Variants in SPTLC3 observed in about 807,000 individuals in gnomAD.
The protein encoded by SPTLC3 is serine palmitoyltransferase long chain base subunit 3.
In SPTLC3, 36 loss-of-function variants were observed where a neutral mutation model predicts 59.3. The ratio of observed to expected loss-of-function variants is 0.61; its 90% CI spans 0.47 to 0.80. The LOEUF (loss-of-function observed/expected upper bound fraction) is 0.80. Among genes scored for constraint, SPTLC3 ranks in the 30% least tolerant of loss-of-function variants. The pLI, the probability that SPTLC3 is intolerant of heterozygous loss-of-function variation, is 0.00. For missense variants in SPTLC3, 625 were observed against 685.1 expected (o/e 0.91, Z 0.98); for synonymous variants, 257 against 240.8 (o/e 1.07, Z -0.62).
chr20:13,160,918 T>C (rs1345834972), intron 11 of SPTLC3, among the ~76,000 whole-genome samples: 2 of 152,180 alleles, frequency 1.3e-5, no homozygotes, highest in African/African-American at 4.8e-5. Flanking sequence ...CCAGGCCTTT[T>C]TAATAAAGCT....
chr20:13,036,607 G>A (rs573031487), intron 1 of SPTLC3, among the ~76,000 whole-genome samples: 3 of 152,036 alleles, frequency 2.0e-5, no homozygotes, highest in Admixed American at 1.3e-4. Context: ...TTAAGTTTTT[G>A]GAAAGTTTAA....
At position 13,074,503 on chromosome 20, in the gene SPTLC3, T is replaced by C. The variant is rs1403986250; in HGVS notation, c.607+6T>C. On this transcript the variant is annotated splice_donor_region_variant and intron_variant, in intron 4 of 11. Transcript: ENST00000399002. The stretch of plus-strand genomic sequence containing the variant: ...CAGCACCAGGCATGAAATGGGTATG[T>C]ACATTCACTGTTTTGAAACTTTTTG... 1 of 1,602,996 alleles carries C rather than the reference T, an allele frequency of 6.2e-7. No homozygotes were observed. Among genetic ancestry groups the C allele is most frequent in the East Asian group, 2.2e-5 (1 of 44,682 alleles).
intron 5 of SPTLC3, among the ~76,000 whole-genome samples, chr20:13,092,135 CA>C (rs1449690900): frequency 6.6e-6 from 1 of 152,130 alleles, no homozygotes; most frequent in East Asian, 1.9e-4. Context: ...AGAATTTTAA[CA>C]GATAAATAAG....
At position 13,117,621 on chromosome 20, in the gene SPTLC3, G is replaced by GGCCCC. The variant is rs1246234767; in HGVS notation, c.1049_1050insCCCCG (p.Val351ProfsTer9). On this transcript the variant is annotated frameshift_variant, in exon 8 of 12. Transcript: ENST00000399002. LOFTEE classifies it high-confidence loss of function. Reference sequence around the variant, plus strand: ...TGGGGCCGTGGGCCCAACCGGCCGGGGTGTCACGGAGTTCTTTGGACTAGA... The same window carrying GGCCCC: ...TGGGGCCGTGGGCCCAACCGGCCGGGGCCCCGTGTCACGGAGTTCTTTGGACTAGA... 6.2e-7 allele frequency: 1 copy of GGCCCC among 1,614,058 alleles called. No individual in the cohort carries two copies. The highest frequency in any genetic ancestry group is 8.5e-7 in the Non-Finnish European group (1 of 1,179,952).
chr20:13,020,315 C>G (rs1985804293), intron 1 of SPTLC3, among the ~76,000 whole-genome samples: 1 of 149,970 alleles, frequency 6.7e-6, no homozygotes, highest in Non-Finnish European at 1.5e-5. Context: ...AGTTTGAAAC[C>G]AGTCTGGGAA....
chr20:13,023,116 C>G (rs1035940171), intron 1 of SPTLC3, among the ~76,000 whole-genome samples: 1 of 151,972 alleles, frequency 6.6e-6, no homozygotes, highest in Non-Finnish European at 1.5e-5. Context: ...AGGGCTCACC[C>G]TTCTCCTACT....
At chr20:13,123,914 A>T (rs2037926447) in intron 8 of SPTLC3, among the ~76,000 whole-genome samples, 1 of 152,200 alleles carries the variant, frequency 6.6e-6, no homozygotes, top group African/African-American at 2.4e-5. Flanking sequence ...TCAATAGAGA[A>T]AGGCAATCCC....
chr20:13,155,431 A>G (rs188842584), intron 10 of SPTLC3, among the ~76,000 whole-genome samples: 4 of 152,216 alleles, frequency 2.6e-5, no homozygotes, highest in African/African-American at 9.6e-5. Context: ...CTTACTTGTG[A>G]AAACTCATGG....
At chr20:13,027,762 C>T (rs1986230020) in intron 1 of SPTLC3, among the ~76,000 whole-genome samples, 2 of 151,884 alleles carry the variant, frequency 1.3e-5, no homozygotes, top group South Asian at 4.1e-4. Flanking sequence ...AAAATCCATG[C>T]GATTCTAAAA....
intron 1 of SPTLC3, among the ~76,000 whole-genome samples, chr20:13,033,865 A>G (rs907903417): frequency 6.6e-6 from 1 of 152,118 alleles, no homozygotes; most frequent in African/African-American, 2.4e-5. Context: ...CTTTTTAGGA[A>G]GTGAAGCCAG....
intron 2 of SPTLC3, among the ~76,000 whole-genome samples, chr20:13,052,086 T>A (rs922476150): frequency 1.3e-5 from 2 of 152,044 alleles, no homozygotes; most frequent in Non-Finnish European, 2.9e-5. Context: ...GCTGGCAAGA[T>A]GGCCGAACAG....
intron 1 of SPTLC3, among the ~76,000 whole-genome samples, chr20:13,044,002 C>G (rs575511677): frequency 2.0e-5 from 3 of 152,208 alleles, no homozygotes; most frequent in African/African-American, 7.2e-5. Context: ...TCCCTCACCT[C>G]TTCCTCCCTC....
At chr20:13,011,587 T>C (rs577041226) in intron 1 of SPTLC3, among the ~76,000 whole-genome samples, 78 of 152,278 alleles carry the variant, frequency 5.1e-4, no homozygotes, top group African/African-American at 1.8e-3. Context: ...TCCTTCCCCC[T>C]GGTCCAGCGT....
chr20:13,065,628 A>C (rs1041697124), intron 2 of SPTLC3, among the ~76,000 whole-genome samples: 1 of 151,948 alleles, frequency 6.6e-6, no homozygotes, highest in Admixed American at 6.5e-5. Context: ...TAATACTGTA[A>C]TTACATATTT....
chr20:13,022,422 G>T (rs1985931444), intron 1 of SPTLC3, among the ~76,000 whole-genome samples: 1 of 152,192 alleles, frequency 6.6e-6, no homozygotes, highest in African/African-American at 2.4e-5. Context: ...ATTTTATTAT[G>T]CTTGTGGATT....
intron 4 of SPTLC3, among the ~76,000 whole-genome samples, chr20:13,086,808 T>G (rs1989020233): frequency 6.6e-6 from 1 of 152,088 alleles, no homozygotes; most frequent in South Asian, 2.1e-4. Context: ...CTTCTTTTTT[T>G]CCCCTAATGA....
chr20:13,164,029 T>A (rs2038948222), intron 11 of SPTLC3, among the ~76,000 whole-genome samples: 1 of 152,172 alleles, frequency 6.6e-6, no homozygotes, highest in South Asian at 2.1e-4. Flanking sequence ...GCATTAGGTA[T>A]ATCTCCTAAT....
At chr20:13,053,821 G>A (rs559659671) in intron 2 of SPTLC3, among the ~76,000 whole-genome samples, 10 of 152,088 alleles carry the variant, frequency 6.6e-5, no homozygotes, top group South Asian at 2.1e-4. Context: ...GAAATAAAGC[G>A]TGAAAACAAG....
intron 3 of SPTLC3, chr20:13,073,739 A>T (rs1253795778): frequency 1.9e-6 from 1 of 525,612 alleles, no homozygotes; most frequent in African/African-American, 2.0e-5. Flanking sequence ...AACTGCCAAC[A>T]GTATCCATTA....
Sources: gnomAD v4.1 joint callset for allele counts (sites outside exome capture counted in the v4.1 genomes callset) on GRCh38, gnomAD v4.1.1 for gene constraint, MANE v1.5 for transcripts, NCBI Gene and HGNC (gene_info 2026-07-23, HGNC 2026-07-21) for gene names.